Variants in MYO3B observed in about 807,000 individuals in gnomAD.
MYO3B encodes the protein myosin IIIB, also known as myosin-IIIb.
In MYO3B, 156 loss-of-function variants were observed where a neutral mutation model predicts 174.6. That is an observed-to-expected ratio of 0.89 (90% CI 0.78 to 1.02). The LOEUF (loss-of-function observed/expected upper bound fraction) is 1.02. Among genes scored for constraint, MYO3B ranks in the 50% least tolerant of loss-of-function variants. MYO3B has a pLI of 0.00. For synonymous variants in MYO3B, 563 were observed against 569.1 expected (o/e 0.99, Z 0.15); for missense variants, 1,632 against 1,639.4 (o/e 1.00, Z 0.08).
chr2:170,428,847 T>C (rs886639609), intron 22 of MYO3B, among the ~76,000 whole-genome samples: 7 of 152,180 alleles, frequency 4.6e-5, no homozygotes, highest in African/African-American at 1.7e-4. Context: ...TGACATATAA[T>C]ACAAATGAGT....
At chr2:170,574,068 T>C (rs1692632997) in intron 32 of MYO3B, among the ~76,000 whole-genome samples, 1 of 151,996 alleles carries the variant, frequency 6.6e-6, no homozygotes, top group Non-Finnish European at 1.5e-5. Flanking sequence ...CAAAGAAGGC[T>C]CCCACCCCAC....
intron 21 of MYO3B, 85 bp from the exon 22 acceptor site, chr2:170,407,630 T>A (rs1307080787): frequency 1.5e-5 from 22 of 1,472,720 alleles, no homozygotes; most frequent in Non-Finnish European, 1.9e-5. Context: ...TAGAGGTTGA[T>A]TAACAACTGG....
chr2:170,321,339 A>G (rs952016025), intron 7 of MYO3B, among the ~76,000 whole-genome samples: 1 of 152,216 alleles, frequency 6.6e-6, no homozygotes, highest in African/African-American at 2.4e-5. Flanking sequence ...GTAGAAACAT[A>G]GTAGAACCAA....
At chr2:170,438,576 A>G (rs887590503) in intron 22 of MYO3B, among the ~76,000 whole-genome samples, 1 of 152,158 alleles carries the variant, frequency 6.6e-6, no homozygotes, top group South Asian at 2.1e-4. Context: ...ATTTCTCTAC[A>G]TCCTCTTTAG....
chr2:170,533,779 C>A (rs1010960011), intron 30 of MYO3B, among the ~76,000 whole-genome samples: 1 of 152,120 alleles, frequency 6.6e-6, no homozygotes, highest in Non-Finnish European at 1.5e-5. Flanking sequence ...ACTATATATG[C>A]ATCTTTAATT....
chr2:170,414,535 C>A (rs2105836317), intron 22 of MYO3B, among the ~76,000 whole-genome samples: 1 of 152,270 alleles, frequency 6.6e-6, no homozygotes, highest in South Asian at 2.1e-4. Flanking sequence ...CTTTATTCTT[C>A]TTTTTCAAAA....
intron 32 of MYO3B, among the ~76,000 whole-genome samples, chr2:170,637,046 C>A (rs147336409): frequency 2.5e-4 from 38 of 151,620 alleles, no homozygotes; most frequent in African/African-American, 8.7e-4. Context: ...AGGAGATACC[C>A]ATTTCTCAGC....
chr2:170,565,556 C>A (rs1692017674), intron 32 of MYO3B, among the ~76,000 whole-genome samples: 1 of 152,174 alleles, frequency 6.6e-6, no homozygotes, highest in Non-Finnish European at 1.5e-5. Flanking sequence ...TTGCATCTTG[C>A]ATTTTAGTCA....
chr2:170,249,445 A>G (rs904745442), intron 7 of MYO3B, among the ~76,000 whole-genome samples: 1 of 152,188 alleles, frequency 6.6e-6, no homozygotes, highest in African/African-American at 2.4e-5. Flanking sequence ...ATTCATATCA[A>G]CATTTGCTTG....
intron 17 of MYO3B, among the ~76,000 whole-genome samples, chr2:170,401,178 G>T (rs1007718900): frequency 6.6e-6 from 1 of 152,124 alleles, no homozygotes; most frequent in Non-Finnish European, 1.5e-5. Flanking sequence ...TTTAATATAT[G>T]AATGTATTTT....
intron 7 of MYO3B, among the ~76,000 whole-genome samples, chr2:170,246,374 A>G (rs1466302499): frequency 3.9e-5 from 6 of 152,208 alleles, no homozygotes; most frequent in Non-Finnish European, 8.8e-5. Flanking sequence ...CCCCCTACAA[A>G]CAGGTATGTT....
chr2:170,193,904 C>A lies in MYO3B; in HGVS notation c.3-5304C>A, dbSNP rs1001487457. The stretch of plus-strand genomic sequence containing the variant: ...AATAAAGAAAAATGAGGAATTTTCA[C>A]CCTTATTTTTCTGTTTAATTTGATT... On this transcript the variant is annotated intron_variant, in intron 1 of 34. Transcript: ENST00000408978. Among the ~76,000 whole-genome samples the A allele has an allele frequency of 4.6e-5, 7 of 152,144 alleles. No homozygotes were observed. In the East Asian group the frequency reaches 7.7e-4, roughly 17 times the overall value.
intron 1 of MYO3B, among the ~76,000 whole-genome samples, chr2:170,179,710 T>A (rs1405316483): frequency 1.3e-5 from 2 of 152,172 alleles, no homozygotes; most frequent in African/African-American, 4.8e-5. Context: ...ATGAGCCAAA[T>A]AAACTTCTAT....
intron 32 of MYO3B, chr2:170,640,246 C>G (rs1390546060): frequency 6.6e-6 from 1 of 152,160 alleles, no homozygotes; most frequent in Non-Finnish European, 1.5e-5. Flanking sequence ...TTTAAAAAGC[C>G]CTTCAGATGA....
At chr2:170,520,211 T>C (rs181722779) in intron 30 of MYO3B, among the ~76,000 whole-genome samples, 170 of 152,204 alleles carry the variant, frequency 1.1e-3, no homozygotes, top group African/African-American at 3.9e-3. Context: ...AAGCCTGTGA[T>C]GCTGCTAAAC....
chr2:170,624,816 G>A (rs1696260635), intron 32 of MYO3B, among the ~76,000 whole-genome samples: 1 of 152,120 alleles, frequency 6.6e-6, no homozygotes, highest in Non-Finnish European at 1.5e-5. Flanking sequence ...TGCATCTATT[G>A]AGATAATCAT....
chr2:170,314,355 C>T (rs1246963766), intron 7 of MYO3B, among the ~76,000 whole-genome samples: 10 of 152,188 alleles, frequency 6.6e-5, no homozygotes, highest in Admixed American at 6.5e-4. Flanking sequence ...GTCCAAGCTG[C>T]ATTCATCTCA....
In MYO3B at chr2:170,463,709, G is replaced by A. The variant is rs144324850; in HGVS notation, c.2808+264G>A. Among the ~76,000 whole-genome samples the A allele has an allele frequency of 7.7e-3, 1,103 of 142,858 alleles. 9 individuals carry two copies. Among genetic ancestry groups the A allele is most frequent in the African/African-American group, 0.026 (1,054 of 41,228 alleles). 93.7% of individuals were successfully genotyped at this position (142,858 alleles called of 152,430 possible). On this transcript the variant is annotated intron_variant, in intron 24 of 34. Coordinates refer to ENST00000408978, the MANE Select transcript of MYO3B (RefSeq NM_138995.5). ...AGCCACTTTTCTAGCATACTGAATA[G>A]TAAAGTAGTTAATAAAGTTCCAGAA...
In MYO3B at chr2:170,520,466, C is replaced by CATAT. The variant is rs35769537; in HGVS notation, c.3575+932_3575+935dup. ...ATATACACATATATATATACACACA[C>CATAT]ATATATATACACATATATATATACA... is the stretch of plus-strand genomic sequence containing the variant. On this transcript the variant is annotated intron_variant, in intron 30 of 34. Transcript: ENST00000408978. 1.7e-4 allele frequency among the ~76,000 whole-genome samples: 25 copies of CATAT among 151,196 alleles called. No individual in the cohort carries two copies. The Middle Eastern group carries it at 0.01, about 63-fold the overall frequency.
Sources: gnomAD v4.1 joint callset for allele counts (sites outside exome capture counted in the v4.1 genomes callset) on GRCh38, gnomAD v4.1.1 for gene constraint, MANE v1.5 for transcripts, NCBI Gene and HGNC (gene_info 2026-07-23, HGNC 2026-07-21) for gene names.